XXYLT1: variants seen among roughly 807,000 people sequenced by gnomAD.
XXYLT1 encodes xyloside xylosyltransferase 1.
In XXYLT1, 20 loss-of-function variants were observed where a neutral mutation model predicts 28.9. The ratio of observed to expected loss-of-function variants is 0.69; its 90% CI spans 0.49 to 1.00. The LOEUF is 1.00. Among genes scored for constraint, XXYLT1 ranks in the 50% least tolerant of loss-of-function variants. The pLI, the probability that XXYLT1 is intolerant of heterozygous loss-of-function variation, is 0.00. For missense variants in XXYLT1, 542 were observed against 560.1 expected (o/e 0.97, Z 0.33); for synonymous variants, 257 against 253.8 (o/e 1.01, Z -0.12).
intron 3 of XXYLT1, among the ~76,000 whole-genome samples, chr3:195,138,109 A>G (rs79070389): frequency 0.025 from 3,829 of 152,298 alleles, 167 homozygotes; most frequent in African/African-American, 0.087. Flanking sequence ...AATGACAGAA[A>G]CTTTGCCAAC....
At chr3:195,190,667 GAT>G (rs1322319097) in intron 2 of XXYLT1, among the ~76,000 whole-genome samples, 2 of 151,896 alleles carry the variant, frequency 1.3e-5, no homozygotes, top group Non-Finnish European at 2.9e-5. Flanking sequence ...TTTTTAAAAA[GAT>G]GTGTAAGTTT....
At chr3:195,145,480 G>A (rs1180274117) in intron 3 of XXYLT1, among the ~76,000 whole-genome samples, 6 of 147,566 alleles carry the variant, frequency 4.1e-5, no homozygotes, top group African/African-American at 1.5e-4. Flanking sequence ...GAAGCCACAT[G>A]AATGGGCACC....
rs897157058 is a variant in XXYLT1, at chr3:195,080,590, A to T, written c.786-10479T>A. 3.9e-5 allele frequency among the ~76,000 whole-genome samples: 6 copies of T among 152,178 alleles called. No individual in the cohort carries two copies. The East Asian group carries it at 9.6e-4, about 24-fold the overall frequency. On this transcript the variant is annotated intron_variant, in intron 3 of 3. Transcript: ENST00000310380. ...GGTTTGTCAGAGTGAAGACAAAACCACAGAGGGTCACCTTCAGAATCGGCT... is the reference window on the plus strand; with the variant it reads ...GGTTTGTCAGAGTGAAGACAAAACCTCAGAGGGTCACCTTCAGAATCGGCT...
At chr3:195,184,105 T>C (rs1722071577) in intron 2 of XXYLT1, among the ~76,000 whole-genome samples, 1 of 152,220 alleles carries the variant, frequency 6.6e-6, no homozygotes, top group South Asian at 2.1e-4. Context: ...ACTCATTTAA[T>C]CAGCATCATT....
At chr3:195,110,176 ATGTGT>A (rs1717458371) in intron 3 of XXYLT1, among the ~76,000 whole-genome samples, 2 of 12,276 alleles carry the variant, frequency 1.6e-4, no homozygotes, top group Non-Finnish European at 2.1e-4. Flanking sequence ...GTGTCTGAGT[ATGTGT>A]GTGTGTGGGT....
intron 3 of XXYLT1, 29 bp from the exon 4 acceptor site, chr3:195,070,140 G>A (rs368910283): frequency 3.4e-5 from 52 of 1,510,140 alleles, no homozygotes; most frequent in Admixed American, 4.2e-5. Flanking sequence ...GAGTTAGTCC[G>A]GTGTGCAGGG....
chr3:195,241,730 T>G (rs1448546973), intron 1 of XXYLT1, among the ~76,000 whole-genome samples: 6 of 152,006 alleles, frequency 3.9e-5, no homozygotes, highest in African/African-American at 1.4e-4. Context: ...AGGTATCAGT[T>G]CAAACGTCAC....
rs1312936210 is a variant in XXYLT1 at position 195,195,850 on chromosome 3, T to C, written c.652+30859A>G. Reference sequence around the variant, plus strand: ...ATGGTCTAGACACAGTCCTGTTGCATTGAAGTATCCAATGAGCTCCAGTGA... The same window carrying C: ...ATGGTCTAGACACAGTCCTGTTGCACTGAAGTATCCAATGAGCTCCAGTGA... On this transcript the variant is annotated intron_variant, in intron 2 of 3. Transcript: ENST00000310380. The surrounding 1 kb of genome is among the most constrained non-coding windows in gnomAD (Gnocchi z 4.4). 5.9e-5 allele frequency among the ~76,000 whole-genome samples: 9 copies of C among 152,188 alleles called. No individual in the cohort carries two copies. The highest frequency in any genetic ancestry group is 1.9e-4 in the East Asian group (1 of 5,188).
intron 3 of XXYLT1, among the ~76,000 whole-genome samples, chr3:195,112,300 G>A (rs981244562): frequency 7.9e-5 from 12 of 152,132 alleles, no homozygotes; most frequent in East Asian, 1.9e-4. Context: ...TTTGGGGTTC[G>A]CAAGCCCCAG....
rs1053169368 is a variant in XXYLT1 at position 195,077,745 on chromosome 3, G to A, written c.786-7634C>T. 2.0e-5 allele frequency among the ~76,000 whole-genome samples: 3 copies of A among 152,188 alleles called. No homozygotes were observed. Among genetic ancestry groups the A allele is most frequent in the Non-Finnish European group, 4.4e-5 (3 of 68,010 alleles). Reference sequence around the variant, plus strand: ...CAGGCGTCCGTTTCTCCAGAGCCCTGCAGAAGGGCAGCTGGCAGGCCTGAG... The same window carrying A: ...CAGGCGTCCGTTTCTCCAGAGCCCTACAGAAGGGCAGCTGGCAGGCCTGAG... On this transcript the variant is annotated intron_variant, in intron 3 of 3. Coordinates refer to ENST00000310380, the MANE Select transcript of XXYLT1 (RefSeq NM_152531.5). This position sits in a 1 kb window ranked among gnomAD's most constrained non-coding sequence, Gnocchi z 4.8.
At chr3:195,161,930 T>A (rs1246840167) in intron 2 of XXYLT1, among the ~76,000 whole-genome samples, 4 of 151,886 alleles carry the variant, frequency 2.6e-5, no homozygotes, top group Non-Finnish European at 4.4e-5. Context: ...GAGATTAATA[T>A]TATTTCTATT....
chr3:195,098,974 C>T (rs1362643026), intron 3 of XXYLT1, among the ~76,000 whole-genome samples: 2 of 152,250 alleles, frequency 1.3e-5, no homozygotes, highest in African/African-American at 4.8e-5. Context: ...GCTGCTGCTT[C>T]TCCCTTTCCA....
intron 1 of XXYLT1, among the ~76,000 whole-genome samples, chr3:195,250,298 T>C (rs10933702): frequency 0.15 from 22,383 of 152,214 alleles, 3,723 homozygotes; most frequent in African/African-American, 0.4. Flanking sequence ...CGTGTTGGCT[T>C]ACACCTGTAA....
rs1404534466 is a variant in XXYLT1 at position 195,110,569 on chromosome 3, GGTGTGT to G, written c.786-40464_786-40459del. Among the ~76,000 whole-genome samples, 6 of 117,872 alleles carry G rather than the reference GGTGTGT, an allele frequency of 5.1e-5. 1 individual carries two copies. Among genetic ancestry groups the G allele is most frequent in the East Asian group, 5.1e-4 (2 of 3,928 alleles). 77.3% of individuals were successfully genotyped at this position (117,872 alleles called of 152,430 possible). A position where few individuals can be genotyped will look rare whatever the true frequency, so the allele number is the denominator to read the frequency against. The stretch of plus-strand genomic sequence containing the variant: ...TGGTGTGTGTGTGGTGTATGTATGT[GGTGTGT>G]TGTGTGGTGTATGTGTGTGTGTGCT... On this transcript the variant is annotated intron_variant, in intron 3 of 3. Coordinates refer to ENST00000310380, the MANE Select transcript of XXYLT1 (RefSeq NM_152531.5).
chr3:195,256,635 A>G lies in XXYLT1; in HGVS notation c.504+13920T>C. ...GCTCTGTAAGCCCCCAGCACTGTTT[A>G]TACACGCCTGGAAGAGAACAGACTG... On this transcript the variant is annotated intron_variant, in intron 1 of 3. Transcript: ENST00000310380. The surrounding 1 kb of genome is among the most constrained non-coding windows in gnomAD (Gnocchi z 4.2). 6 of 942,742 alleles carry G rather than the reference A, an allele frequency of 6.4e-6. No homozygotes were observed. Among genetic ancestry groups the G allele is most frequent in the Non-Finnish European group, 6.3e-6 (5 of 791,016 alleles). The allele number at this position is 942,742 out of a possible 1,614,324, so 58.4% of individuals were successfully genotyped here.
rs549372666 is a variant in XXYLT1 at position 195,076,903 on chromosome 3, CT to C, written c.786-6793del. On this transcript the variant is annotated intron_variant, in intron 3 of 3. Coordinates refer to ENST00000310380, the MANE Select transcript of XXYLT1 (RefSeq NM_152531.5). This position sits in a 1 kb window ranked among gnomAD's most constrained non-coding sequence, Gnocchi z 5.3. Reference sequence around the variant, plus strand: ...AGAACCTCATCTCAACTCTTTATATCTGCAACAACCCCATTCCCACAAAAGG... The same window carrying C: ...AGAACCTCATCTCAACTCTTTATATCGCAACAACCCCATTCCCACAAAAGG... Among the ~76,000 whole-genome samples the C allele has an allele frequency of 1.6e-3, 244 of 152,314 alleles. No individual in the cohort carries two copies. Among genetic ancestry groups the C allele is most frequent in the Non-Finnish European group, 3.0e-3 (204 of 68,020 alleles).
intron 2 of XXYLT1, among the ~76,000 whole-genome samples, chr3:195,177,936 T>TAAAAAAAAAAAAA (rs56022005): frequency 6.9e-5 from 8 of 115,648 alleles, no homozygotes; most frequent in African/African-American, 2.9e-4. Flanking sequence ...CTCTGTCTCT[T>TAAAAAAAAAAAAA]AAAAAAAAAA....
intron 1 of XXYLT1, among the ~76,000 whole-genome samples, chr3:195,232,535 C>T (rs1724346684): frequency 6.6e-6 from 1 of 152,038 alleles, no homozygotes; most frequent in Non-Finnish European, 1.5e-5. Context: ...ATAAACTTCT[C>T]TTAGTACTGC....
At chr3:195,088,386 C>T (rs537434959) in intron 3 of XXYLT1, among the ~76,000 whole-genome samples, 53 of 146,294 alleles carry the variant, frequency 3.6e-4, no homozygotes, top group Middle Eastern at 3.5e-3. Flanking sequence ...CCCTGACCCC[C>T]GAGCAGCCTA....
Sources: gnomAD v4.1 joint callset for allele counts (sites outside exome capture counted in the v4.1 genomes callset) on GRCh38, gnomAD v4.1.1 for gene constraint, Gnocchi (gnomAD v3.1) non-coding constraint, MANE v1.5 for transcripts, NCBI Gene and HGNC (gene_info 2026-07-23, HGNC 2026-07-21) for gene names.